The following EYS variants were observed in gnomAD, a reference collection of about 807,000 sequenced individuals.
The protein encoded by EYS is EGF-like photoreceptor maintenance factor.
In EYS, 250 loss-of-function variants were observed where a neutral mutation model predicts 282.1. The ratio of observed to expected loss-of-function variants is 0.89; its 90% CI spans 0.80 to 0.98. The LOEUF is 0.98. Among genes scored for constraint, EYS ranks in the 50% least tolerant of loss-of-function variants. The probability of loss-of-function intolerance (pLI) is 0.00; values close to 1 mark genes in which losing one functional copy is unlikely to be tolerated. For synonymous variants in EYS, 1,355 were observed against 1,282.9 expected (o/e 1.06, Z -1.20); for missense variants, 4,016 against 3,709.0 (o/e 1.08, Z -2.15).
chr6:65,157,149 AT>A (rs1407589048), intron 12 of EYS, among the ~76,000 whole-genome samples: 1 of 150,930 alleles, frequency 6.6e-6, no homozygotes, highest in African/African-American at 2.4e-5. Flanking sequence ...AATAGCACCT[AT>A]TCTATTGAAA....
In EYS at chr6:64,682,958, C is replaced by T. The variant is rs536127743; in HGVS notation, c.3444-56713G>A. Among the ~76,000 whole-genome samples, 27 of 152,210 alleles carry T rather than the reference C, an allele frequency of 1.8e-4. No homozygotes were observed. In the South Asian group the frequency reaches 3.1e-3, roughly 18 times the overall value. On this transcript the variant is annotated intron_variant, in intron 22 of 42. Coordinates refer to ENST00000503581, the MANE Select transcript of EYS (RefSeq NM_001142800.2). ...AGCCAGTAACTCGGATACCTAACAC[C>T]CCTAAGAAAAATCTTTACCCAGCTC...
intron 30 of EYS, among the ~76,000 whole-genome samples, chr6:64,299,703 C>G (rs115958634): frequency 0.016 from 2,381 of 152,304 alleles, 20 homozygotes; most frequent in South Asian, 0.034. Context: ...CTCAGTTTTG[C>G]AGGCTCAATT....
chr6:65,291,805 A>G (rs182310663), intron 12 of EYS, among the ~76,000 whole-genome samples: 1 of 151,748 alleles, frequency 6.6e-6, no homozygotes, highest in Admixed American at 6.6e-5. Flanking sequence ...ACATCGAAAG[A>G]GTAGGATCCT....
At chr6:64,436,027 A>G (rs1320235144) in intron 28 of EYS, 147 bp downstream of exon 28, 11 of 413,232 alleles carry the variant, frequency 2.7e-5, no homozygotes, top group Non-Finnish European at 4.7e-5. Flanking sequence ...TAGAATATAT[A>G]GAAAAGCTTG....
intron 2 of EYS, among the ~76,000 whole-genome samples, chr6:65,603,901 G>A (rs146395385): frequency 1.4e-3 from 218 of 151,896 alleles, no homozygotes; most frequent in Non-Finnish European, 2.2e-3. Flanking sequence ...GTTTCAAACA[G>A]CAAGTAGAAA....
chr6:64,869,065 G>T (rs1766512641), intron 19 of EYS, among the ~76,000 whole-genome samples: 1 of 151,420 alleles, frequency 6.6e-6, no homozygotes, highest in Non-Finnish European at 1.5e-5. Context: ...GATCTCAGTT[G>T]TGACTTCTCA....
chr6:63,908,033 CGTTTGTGTGTGTGT>C (rs1562090538), intron 35 of EYS, among the ~76,000 whole-genome samples: 87 of 110,478 alleles, frequency 7.9e-4, no homozygotes, highest in African/African-American at 2.2e-3. Context: ...TATATATATA[CGTTTGTGTGTGTGT>C]GTGTGTGTGT....
At chr6:65,020,316 G>A (rs1216807371) in intron 13 of EYS, among the ~76,000 whole-genome samples, 1 of 152,188 alleles carries the variant, frequency 6.6e-6, no homozygotes, top group Non-Finnish European at 1.5e-5. Flanking sequence ...TACAATGTGA[G>A]TATAGGCATT....
chr6:63,806,140 A>C (rs1323608055), intron 37 of EYS, 50 bp downstream of exon 37: 2 of 1,453,792 alleles, frequency 1.4e-6, no homozygotes, highest in Non-Finnish European at 1.9e-6. Flanking sequence ...GAATCTCTAA[A>C]GTATTCTTAA....
intron 12 of EYS, among the ~76,000 whole-genome samples, chr6:65,157,006 A>G (rs1764745205): frequency 6.6e-6 from 1 of 150,934 alleles, no homozygotes; most frequent in African/African-American, 2.4e-5. Flanking sequence ...GAACTGCTCA[A>G]CCTCTACAAA....
rs564362071 is a variant in EYS, at chr6:65,492,499, C to T, written c.749-1792G>A. 2.0e-5 allele frequency among the ~76,000 whole-genome samples: 3 copies of T among 152,212 alleles called. No homozygotes were observed. In the East Asian group the frequency reaches 5.8e-4, roughly 29 times the overall value. On this transcript the variant is annotated intron_variant, in intron 4 of 42. Coordinates refer to ENST00000503581, the MANE Select transcript of EYS (RefSeq NM_001142800.2). ...CCCATAAACTATGAATGCATACACG[C>T]AAATTAATATTCTGACACATGGTAG...
At chr6:65,259,325 T>C (rs1051003375) in intron 12 of EYS, among the ~76,000 whole-genome samples, 2 of 151,972 alleles carry the variant, frequency 1.3e-5, no homozygotes, top group Non-Finnish European at 2.9e-5. Flanking sequence ...GAGTGAGTCA[T>C]TAGGTAGGGA....
At chr6:65,083,835 T>G (rs1227579552) in intron 12 of EYS, among the ~76,000 whole-genome samples, 1 of 151,738 alleles carries the variant, frequency 6.6e-6, no homozygotes, top group Non-Finnish European at 1.5e-5. Context: ...TGATACTATA[T>G]TTGATTTTCC....
At chr6:64,875,010 A>G (rs941404573) in intron 19 of EYS, among the ~76,000 whole-genome samples, 16 of 152,086 alleles carry the variant, frequency 1.1e-4, no homozygotes, top group African/African-American at 3.9e-4. Context: ...TGACCAAGAA[A>G]GAGGATGTAG....
At chr6:65,049,248 A>C (rs1773195566) in intron 13 of EYS, among the ~76,000 whole-genome samples, 1 of 151,760 alleles carries the variant, frequency 6.6e-6, no homozygotes, top group Non-Finnish European at 1.5e-5. Flanking sequence ...TCTGGTTTGA[A>C]TTCTGTTGAA....
At chr6:64,790,100 TG>T (rs1562193095) in intron 22 of EYS, among the ~76,000 whole-genome samples, 2 of 151,964 alleles carry the variant, frequency 1.3e-5, no homozygotes, top group African/African-American at 4.8e-5. Context: ...GTTTATTTGC[TG>T]GAAGAAACTA....
chr6:64,802,017 C>CTTTTTTTTTTTTTTT (rs1157712956), intron 22 of EYS, among the ~76,000 whole-genome samples: 1 of 57,640 alleles, frequency 1.7e-5, no homozygotes, highest in Non-Finnish European at 3.6e-5. Flanking sequence ...TAACAAATTT[C>CTTTTTTTTTTTTTTT]TTTTTCTTTT....
intron 29 of EYS, among the ~76,000 whole-genome samples, chr6:64,328,294 G>C (rs1770505069): frequency 6.6e-6 from 1 of 152,148 alleles, no homozygotes; most frequent in African/African-American, 2.4e-5. Flanking sequence ...GCACCTGCAG[G>C]TACAGGATAT....
rs546371159 is a variant in EYS at position 63,739,883 on chromosome 6, A to T, written c.8072-13203T>A. ...TATTTTTTTTTTTTTTTTTTTTAGT[A>T]GAGACGGGGTTTTGCCATGTTAGCC... On this transcript the variant is annotated intron_variant, in intron 41 of 42. Coordinates refer to ENST00000503581, the MANE Select transcript of EYS (RefSeq NM_001142800.2). 1.1e-3 allele frequency among the ~76,000 whole-genome samples: 155 copies of T among 141,094 alleles called. No homozygotes were observed. The Middle Eastern group carries it at 0.015, about 13-fold the overall frequency. 92.6% of individuals were successfully genotyped at this position (141,094 alleles called of 152,430 possible).
Sources: gnomAD v4.1 joint callset for allele counts (sites outside exome capture counted in the v4.1 genomes callset) on GRCh38, gnomAD v4.1.1 for gene constraint, MANE v1.5 for transcripts, NCBI Gene and HGNC (gene_info 2026-07-23, HGNC 2026-07-21) for gene names.